Variants in POLA1 observed in about 807,000 individuals in gnomAD.
POLA1 encodes the protein DNA polymerase alpha catalytic subunit.
POLA1 carries 15 observed loss-of-function variants against 124.0 expected under a neutral mutation model. That is an observed-to-expected ratio of 0.12 (90% CI 0.08 to 0.19). POLA1 has a LOEUF of 0.19. Among genes scored for constraint, POLA1 ranks in the 10% least tolerant of loss-of-function variants. The pLI is 1.00. For missense variants in POLA1, 886 were observed against 1,103.4 expected (o/e 0.80, Z 2.79); for synonymous variants, 408 against 389.4 (o/e 1.05, Z -0.56).
At chrX:24,743,522 C>A (rs975871774) in intron 23 of POLA1, among the ~76,000 whole-genome samples, 193 bp downstream of exon 23, 1 of 112,254 alleles carries the variant, frequency 8.9e-6, no homozygotes, top group Non-Finnish European at 1.9e-5. Flanking sequence ...TTTTGTTATG[C>A]TGTGTTCCAA....
intron 35 of POLA1, among the ~76,000 whole-genome samples, chrX:24,891,223 C>T (rs771639408): frequency 4.8e-4 from 54 of 111,385 alleles, no homozygotes; most frequent in Non-Finnish European, 6.8e-4. Flanking sequence ...AAAACTGCAG[C>T]GTTTTAGACA....
intron 36 of POLA1, among the ~76,000 whole-genome samples, chrX:24,932,090 G>A (rs774889807): frequency 4.5e-5 from 5 of 111,781 alleles, no homozygotes; most frequent in Non-Finnish European, 9.4e-5. Context: ...GTAGAGAGGG[G>A]GTTTCACCTT....
intron 26 of POLA1, among the ~76,000 whole-genome samples, chrX:24,798,809 G>A (rs2045656942): frequency 9.0e-6 from 1 of 111,180 alleles, no homozygotes; most frequent in Admixed American, 9.6e-5. Flanking sequence ...TTATTCTAGA[G>A]TCATGCCTGA....
chrX:24,758,670 TTTG>T (rs1932733778), intron 26 of POLA1, among the ~76,000 whole-genome samples: 1 of 111,667 alleles, frequency 9.0e-6, no homozygotes, highest in Non-Finnish European at 1.9e-5. Context: ...GCTGAAGTTT[TTTG>T]TTTTTTGTTT....
At chrX:24,703,524 G>A (rs1401976139) in intron 3 of POLA1, among the ~76,000 whole-genome samples, 177 bp downstream of exon 3, 1 of 112,434 alleles carries the variant, frequency 8.9e-6, no homozygotes, top group Admixed American at 9.4e-5. Flanking sequence ...TGAGGAAGCA[G>A]AATAGCAGGA....
intron 35 of POLA1, among the ~76,000 whole-genome samples, chrX:24,892,625 G>T (rs2047155701): frequency 8.9e-6 from 1 of 111,845 alleles, no homozygotes; most frequent in African/African-American, 3.2e-5. Flanking sequence ...TGGTTTTGTT[G>T]TTGTTATTAT....
At chrX:24,708,197 ACCTCTGTTGACCT>A (rs1243778731) in intron 4 of POLA1, among the ~76,000 whole-genome samples, 6 of 110,401 alleles carry the variant, frequency 5.4e-5, no homozygotes, top group Non-Finnish European at 1.1e-4. Flanking sequence ...TGCTATTCAA[ACCTCTGTTGACCT>A]CCTCTGTTCA....
chrX:24,919,202 C>T (rs987817772), intron 35 of POLA1, among the ~76,000 whole-genome samples: 6 of 112,175 alleles, frequency 5.3e-5, no homozygotes, highest in South Asian at 3.7e-4. Flanking sequence ...CTTGGCTTTA[C>T]TTAGCTCCTT....
At chrX:24,735,270 A>G (rs1931201928) in intron 17 of POLA1, 129 bp from the exon 18 acceptor site, 1 of 423,720 alleles carries the variant, frequency 2.4e-6, no homozygotes, top group Non-Finnish European at 4.2e-6. Flanking sequence ...TTTCATTGCT[A>G]CATTTAGTTT....
intron 36 of POLA1, among the ~76,000 whole-genome samples, chrX:24,987,993 A>G (rs5943997): frequency 0.45 from 49,687 of 110,638 alleles, 9,741 homozygotes; most frequent in African/African-American, 0.78. Flanking sequence ...CCCTAACACC[A>G]CAGCATAGGC....
At chrX:24,714,421 G>T in intron 4 of POLA1, 133 bp from the exon 5 acceptor site, 1 of 434,463 alleles carries the variant, frequency 2.3e-6, no homozygotes, top group Non-Finnish European at 4.0e-6. Context: ...CTCCCAAAGT[G>T]CTGGGAATAC....
intron 34 of POLA1, among the ~76,000 whole-genome samples, chrX:24,852,404 G>A (rs757863097): frequency 1.8e-5 from 2 of 109,870 alleles, no homozygotes; most frequent in East Asian, 2.9e-4. Context: ...TCTGCCTCCC[G>A]GGTTCAAGCG....
chrX:24,798,472 TG>T (rs1331700784), intron 26 of POLA1, among the ~76,000 whole-genome samples: 1 of 111,226 alleles, frequency 9.0e-6, no homozygotes, highest in Non-Finnish European at 1.9e-5. Flanking sequence ...TTCCACTTAA[TG>T]AATAGTAAAG....
chrX:24,887,389 G>A (rs1601837618), intron 34 of POLA1, among the ~76,000 whole-genome samples: 1 of 112,266 alleles, frequency 8.9e-6, no homozygotes, highest in Non-Finnish European at 1.9e-5. Context: ...TGAAAACATT[G>A]AAGCTAGTTT....
At chrX:24,757,622 G>A (rs776963952) in intron 26 of POLA1, among the ~76,000 whole-genome samples, 18 of 108,718 alleles carry the variant, frequency 1.7e-4, no homozygotes, top group Non-Finnish European at 2.9e-4. Context: ...TGTATTGTTA[G>A]TAGAGACGGG....
intron 36 of POLA1, among the ~76,000 whole-genome samples, chrX:24,984,749 T>C (rs2048461584): frequency 1.0e-5 from 1 of 99,732 alleles, no homozygotes; most frequent in Non-Finnish European, 2.0e-5. Flanking sequence ...AAGCTCCGCC[T>C]CCCGGGTTCA....
intron 35 of POLA1, among the ~76,000 whole-genome samples, chrX:24,911,043 G>T (rs1356191485): frequency 8.9e-6 from 1 of 111,890 alleles, no homozygotes; most frequent in African/African-American, 3.2e-5. Context: ...GAACCATAAT[G>T]GAATTAAATT....
intron 32 of POLA1, among the ~76,000 whole-genome samples, chrX:24,830,119 A>C (rs1392772794): frequency 8.9e-6 from 1 of 112,298 alleles, no homozygotes. Context: ...TCATTTAGGA[A>C]AATTATTAAG....
At chrX:24,734,644 T>C (rs1423946305) in intron 17 of POLA1, among the ~76,000 whole-genome samples, 1 of 110,545 alleles carries the variant, frequency 9.0e-6, no homozygotes, top group East Asian at 2.8e-4. Context: ...TGAGACGGAG[T>C]CCCGCTTTGT....
Sources: gnomAD v4.1 joint callset for allele counts (sites outside exome capture counted in the v4.1 genomes callset) on GRCh38, gnomAD v4.1.1 for gene constraint, MANE v1.5 for transcripts, NCBI Gene and HGNC (gene_info 2026-07-23, HGNC 2026-07-21) for gene names.